KIDINS220: variants seen among roughly 807,000 people sequenced by gnomAD.
The protein encoded by KIDINS220 is kinase D interacting substrate 220, also known as kinase D-interacting substrate of 220 kDa.
Under a neutral mutation model 157.6 loss-of-function variants are expected in KIDINS220, and 63 were observed. The ratio of observed to expected loss-of-function variants is 0.40; its 90% CI spans 0.33 to 0.49. KIDINS220 has a LOEUF of 0.49. Ranked by LOEUF, KIDINS220 falls within the 20% of genes least tolerant of loss-of-function variation. KIDINS220 has a pLI of 0.66. For synonymous variants in KIDINS220, 732 were observed against 783.6 expected, an observed-to-expected ratio of 0.93 and a Z score of 1.10; for missense variants, 1,772 against 2,171.2, an observed-to-expected ratio of 0.82 and a Z score of 3.65.
intron 22 of KIDINS220, among the ~76,000 whole-genome samples, chr2:8,763,723 C>G (rs1669087311): frequency 6.6e-6 from 1 of 152,180 alleles, no homozygotes; most frequent in African/African-American, 2.4e-5. Context: ...TAAGAAGAAA[C>G]TGAGTCTCTA....
In KIDINS220 at chr2:8,827,128, A is replaced by G. The variant is rs1159504723; in HGVS notation, c.-35T>C. 8.5e-7 allele frequency: 1 copy of G among 1,178,144 alleles called. No homozygotes were observed. The highest frequency in any genetic ancestry group is 1.2e-6 in the Non-Finnish European group (1 of 805,620). The allele number at this position is 1,178,144 out of a possible 1,614,324, so 73.0% of individuals were successfully genotyped here. Reference sequence around the variant, plus strand: ...AAGCTGCAATTAACTTTATTTGAATACCTGTTAAATTAGACAAAATACACA... The same window carrying G: ...AAGCTGCAATTAACTTTATTTGAATGCCTGTTAAATTAGACAAAATACACA... On this transcript the variant is annotated splice_region_variant and 5_prime_UTR_variant, in exon 2 of 30. Transcript: ENST00000256707.
downstream of KIDINS220, chr2:8,727,063 G>A: frequency 1.0e-6 from 1 of 975,644 alleles, no homozygotes; most frequent in Non-Finnish European, 1.4e-6. Context: ...GCTGGCTGTT[G>A]TCTATACGTT....
Position 8,818,725 on chromosome 2 carries a change from C to T in KIDINS220, c.177G>A (p.Lys59=), listed in dbSNP as rs552004034. The change falls in exon 3 of 30, where the codon AAG becomes AAA. Residue 59 remains lysine, a synonymous_variant. Transcript: ENST00000256707. The stretch of plus-strand genomic sequence containing the variant: ...CTTCCAGATTGCAGTTAGCTCCATT[C>T]TTAATTAATTCCTTCACTATTTCCA... ...GNLEIVKELI[K]NGANCNLEDL... The T allele has an allele frequency of 2.5e-6, 4 of 1,604,888 alleles. No individual in the cohort carries two copies. The African/African-American group carries it at 4.0e-5, about 16-fold the overall frequency.
intron 26 of KIDINS220, among the ~76,000 whole-genome samples, chr2:8,744,411 T>A (rs867351613): frequency 2.3e-4 from 9 of 38,300 alleles, no homozygotes; most frequent in South Asian, 7.5e-4. Flanking sequence ...AATATATATA[T>A]ATATATATAT....
At chr2:8,736,458 T>C (rs1310497704) in intron 27 of KIDINS220, among the ~76,000 whole-genome samples, 1 of 152,238 alleles carries the variant, frequency 6.6e-6, no homozygotes, top group Non-Finnish European at 1.5e-5. Context: ...ATGAGGCAAG[T>C]GTGGCTTACT....
intron 22 of KIDINS220, among the ~76,000 whole-genome samples, chr2:8,752,432 G>C (rs996928077): frequency 1.1e-4 from 16 of 152,140 alleles, no homozygotes; most frequent in Non-Finnish European, 2.2e-4. Context: ...GGCAGGACTT[G>C]GGTGGGAAAA....
At chr2:8,829,779 G>A (rs1679342075) in intron 1 of KIDINS220, among the ~76,000 whole-genome samples, 1 of 151,958 alleles carries the variant, frequency 6.6e-6, no homozygotes, top group African/African-American at 2.4e-5. Context: ...ACATGTTCTG[G>A]AATGTGATGC....
At chr2:8,776,555 C>A (rs914813438) in intron 21 of KIDINS220, among the ~76,000 whole-genome samples, 193 bp downstream of exon 21, 1 of 152,138 alleles carries the variant, frequency 6.6e-6, no homozygotes, top group African/African-American at 2.4e-5. Flanking sequence ...ATACAGCCGA[C>A]AGTTGATAAT....
chr2:8,777,570 G>C (rs1269150084), intron 20 of KIDINS220, among the ~76,000 whole-genome samples: 1 of 152,168 alleles, frequency 6.6e-6, no homozygotes, highest in African/African-American at 2.4e-5. Context: ...CAAAGTGCTA[G>C]GATTACAAGC....
chr2:8,775,348 T>C (rs2148189056), intron 21 of KIDINS220, among the ~76,000 whole-genome samples: 1 of 152,290 alleles, frequency 6.6e-6, no homozygotes, highest in Admixed American at 6.5e-5. Context: ...GTAGCAGGTC[T>C]AGATAGAAAA....
At position 8,835,655 on chromosome 2, in the gene KIDINS220, G is replaced by A. The variant is rs756006159; in HGVS notation, c.-37+1825C>T. Among the ~76,000 whole-genome samples the A allele has an allele frequency of 4.3e-3, 441 of 102,464 alleles. 4 individuals are homozygous for A. The highest frequency in any genetic ancestry group is 0.017 in the Middle Eastern group (3 of 172). 67.2% of individuals were successfully genotyped at this position (102,464 alleles called of 152,430 possible). ...AGCCTGGGCAACAGAGCCAGACCCT[G>A]TCTCAAAAAAAAAAAAAAAAAAAAA... On this transcript the variant is annotated intron_variant, in intron 1 of 29. Coordinates refer to ENST00000256707, the MANE Select transcript of KIDINS220 (RefSeq NM_020738.4).
intron 26 of KIDINS220, among the ~76,000 whole-genome samples, chr2:8,745,238 GA>G (rs1666374492): frequency 6.6e-6 from 1 of 152,134 alleles, no homozygotes; most frequent in Admixed American, 6.6e-5. Flanking sequence ...TCAGAGAATT[GA>G]ATTGCATGCA....
At chr2:8,834,655 T>A (rs1438520743) in intron 1 of KIDINS220, among the ~76,000 whole-genome samples, 1 of 152,176 alleles carries the variant, frequency 6.6e-6, no homozygotes, top group African/African-American at 2.4e-5. Flanking sequence ...TTAAGAGAAG[T>A]GCCTGGTACA....
chr2:8,751,424 T>G, intron 23 of KIDINS220, 42 bp downstream of exon 23: 2 of 1,502,366 alleles, frequency 1.3e-6, no homozygotes, highest in Non-Finnish European at 1.8e-6. Flanking sequence ...GAAAAATTCT[T>G]AGAACTTTAG....
At chr2:8,735,637 G>A (rs776777254) in intron 27 of KIDINS220, among the ~76,000 whole-genome samples, 1 of 152,150 alleles carries the variant, frequency 6.6e-6, no homozygotes, top group Non-Finnish European at 1.5e-5. Context: ...ATAATAGGTA[G>A]CTTACTGCTT....
chr2:8,771,459 T>C (rs900605934), intron 21 of KIDINS220, among the ~76,000 whole-genome samples: 2 of 152,236 alleles, frequency 1.3e-5, no homozygotes, highest in Non-Finnish European at 2.9e-5. Flanking sequence ...CTTGTGTACA[T>C]GTAGACAGTC....
chr2:8,825,372 C>CAAAAAAAAAGAAGA (rs1553338376), intron 2 of KIDINS220, among the ~76,000 whole-genome samples: 1 of 108,666 alleles, frequency 9.2e-6, no homozygotes, highest in East Asian at 2.5e-4. Context: ...GACTCCGTCT[C>CAAAAAAAAAGAAGA]AAAAAAAAAA....
Position 8,788,731 on chromosome 2 carries a change from A to C in KIDINS220, c.1703T>G (p.Ile568Ser). 1 of 1,614,112 alleles carries C rather than the reference A, an allele frequency of 6.2e-7. No homozygotes were observed. Among genetic ancestry groups the C allele is most frequent in the Non-Finnish European group, 8.5e-7 (1 of 1,179,964 alleles). ...TTTAAGGAGGAGTTCCAAATATCCAATATGTCTTGCCAATCTAGTGCTGAG... is the reference window on the plus strand; with the variant it reads ...TTTAAGGAGGAGTTCCAAATATCCACTATGTCTTGCCAATCTAGTGCTGAG... ...WVLSTRLARH[I>S]GYLELLLKLM... is the part of the protein sequence containing the mutation. Residue 568 changes from isoleucine (I) to serine (S), a missense_variant, in exon 15 of 30, where the codon ATT becomes AGT. By Grantham distance (142) the Ile-to-Ser change is moderately radical. This residue lies in a region of KIDINS220 where 725 missense variants were observed against 1,017.1 expected (regional missense o/e 0.71). Transcript: ENST00000256707.
chr2:8,770,419 A>T (rs764513422), intron 22 of KIDINS220, among the ~76,000 whole-genome samples: 106 of 152,294 alleles, frequency 7.0e-4, no homozygotes, highest in Admixed American at 2.4e-3. Context: ...AAAATTTTTT[A>T]AAATTTTAAA....
Sources: gnomAD v4.1 joint callset for allele counts (sites outside exome capture counted in the v4.1 genomes callset) on GRCh38, gnomAD v4.1.1 for gene constraint, gnomAD v4.1.1 regional missense constraint, MANE v1.5 for transcripts, NCBI Gene and HGNC (gene_info 2026-07-23, HGNC 2026-07-21) for gene names.